Variants in ZBTB20 observed in about 807,000 individuals in gnomAD.
ZBTB20 encodes zinc finger and BTB domain-containing protein 20.
Under a neutral mutation model 56.9 loss-of-function variants are expected in ZBTB20, and 9 were observed. That is an observed-to-expected ratio of 0.16 (90% confidence interval 0.10 to 0.28). The LOEUF (loss-of-function observed/expected upper bound fraction) is 0.28. Ranked by LOEUF, ZBTB20 falls within the 10% of genes least tolerant of loss-of-function variation. The probability of loss-of-function intolerance (pLI) is 1.00; values close to 1 mark genes in which losing one functional copy is unlikely to be tolerated. For synonymous variants in ZBTB20, 417 were observed against 420.7 expected (o/e 0.99, Z 0.11); for missense variants, 655 against 1,003.0 (o/e 0.65, Z 4.69).
At chr3:114,594,433 A>AT (rs1165504077) in intron 6 of ZBTB20, among the ~76,000 whole-genome samples, 2 of 151,886 alleles carry the variant, frequency 1.3e-5, no homozygotes, top group Non-Finnish European at 2.9e-5. Flanking sequence ...CACCGGGCTA[A>AT]TTTTTTGTAT....
chr3:114,926,214 C>T (rs1473322321), intron 3 of ZBTB20, among the ~76,000 whole-genome samples: 2 of 152,068 alleles, frequency 1.3e-5, no homozygotes, highest in African/African-American at 4.8e-5. Context: ...GTTGCCACTG[C>T]AATTGGAGAT....
intron 4 of ZBTB20, among the ~76,000 whole-genome samples, chr3:114,861,583 T>C (rs925991353): frequency 6.6e-6 from 1 of 152,020 alleles, no homozygotes; most frequent in African/African-American, 2.4e-5. Flanking sequence ...AGACCTGGTT[T>C]GAAATCACAG....
At chr3:114,517,298 G>A (rs898684249) in intron 6 of ZBTB20, among the ~76,000 whole-genome samples, 1 of 152,180 alleles carries the variant, frequency 6.6e-6, no homozygotes, top group Non-Finnish European at 1.5e-5. Context: ...AATTCCAGTA[G>A]AGGGAACATA....
chr3:114,940,219 A>G (rs2076680819), intron 3 of ZBTB20, among the ~76,000 whole-genome samples: 1 of 146,416 alleles, frequency 6.8e-6, no homozygotes, highest in Non-Finnish European at 1.5e-5. Flanking sequence ...TTGTTTATAG[A>G]AAGTGCATAA....
intron 3 of ZBTB20, among the ~76,000 whole-genome samples, chr3:114,949,493 C>T (rs1197563167): frequency 1.4e-5 from 2 of 146,256 alleles, no homozygotes; most frequent in South Asian, 2.1e-4. Flanking sequence ...TAAGGTCAGG[C>T]GCGGCGGCTC....
chr3:114,738,133 A>C (rs891702086), intron 5 of ZBTB20, among the ~76,000 whole-genome samples: 1 of 152,078 alleles, frequency 6.6e-6, no homozygotes. Flanking sequence ...CTATTCTCTA[A>C]ATAACTTCTT....
At chr3:114,535,484 T>C (rs537773675) in intron 6 of ZBTB20, among the ~76,000 whole-genome samples, 7 of 152,150 alleles carry the variant, frequency 4.6e-5, no homozygotes, top group Non-Finnish European at 1.0e-4. Flanking sequence ...AGTTCTGAAA[T>C]TGAGGCAGTA....
chr3:114,568,391 C>T (rs1358204675), intron 6 of ZBTB20, among the ~76,000 whole-genome samples: 1 of 152,186 alleles, frequency 6.6e-6, no homozygotes, highest in African/African-American at 2.4e-5. Flanking sequence ...GAACAGCTTA[C>T]ATGTCTGGTA....
chr3:114,743,901 T>C (rs1353829679), intron 5 of ZBTB20: 1 of 152,206 alleles, frequency 6.6e-6, no homozygotes, highest in Admixed American at 6.5e-5. Context: ...CTACATTAGT[T>C]AGATAATAAC....
At chr3:114,347,297 G>C (rs1248465142) in intron 11 of ZBTB20, among the ~76,000 whole-genome samples, 1 of 151,742 alleles carries the variant, frequency 6.6e-6, no homozygotes, top group Non-Finnish European at 1.5e-5. Context: ...TTACTCTGCA[G>C]GTCTATTGGT....
intron 10 of ZBTB20, among the ~76,000 whole-genome samples, chr3:114,358,355 A>AT (rs1385617670): frequency 2.0e-5 from 3 of 152,074 alleles, no homozygotes; most frequent in African/African-American, 4.8e-5. Context: ...TTGCTCTGTG[A>AT]TTTTCAGGCC....
chr3:114,637,989 C>T (rs1297158621), intron 6 of ZBTB20, among the ~76,000 whole-genome samples: 1 of 152,020 alleles, frequency 6.6e-6, no homozygotes, highest in African/African-American at 2.4e-5. Flanking sequence ...AACTTCATTC[C>T]CTCATTCTTC....
intron 1 of ZBTB20, among the ~76,000 whole-genome samples, chr3:115,102,336 GTATC>G (rs1476268680): frequency 2.0e-5 from 3 of 152,008 alleles, no homozygotes; most frequent in Non-Finnish European, 2.9e-5. Flanking sequence ...GTACCAGCAT[GTATC>G]TCCTCCTCAC....
Position 115,146,784 on chromosome 3 carries a change from G to A in ZBTB20, c.-703+435C>T, listed in dbSNP as rs956469727. Among the ~76,000 whole-genome samples the A allele has an allele frequency of 2.6e-5, 4 of 152,308 alleles. No homozygotes were observed. In the East Asian group the frequency reaches 5.8e-4, roughly 22 times the overall value. ...GCGCCTCTAGCAGCTCCTGAGCCCCGGCTAGTCCCCCTCAGCTCCTCTTCT... is the reference window on the plus strand; with the variant it reads ...GCGCCTCTAGCAGCTCCTGAGCCCCAGCTAGTCCCCCTCAGCTCCTCTTCT... On this transcript the variant is annotated intron_variant, in intron 1 of 11. Coordinates refer to ENST00000675478, the MANE Select transcript of ZBTB20 (RefSeq NM_001348800.3).
intron 6 of ZBTB20, among the ~76,000 whole-genome samples, chr3:114,547,821 T>G (rs1434995913): frequency 6.6e-6 from 1 of 152,252 alleles, no homozygotes; most frequent in African/African-American, 2.4e-5. Context: ...GTTCTATTAC[T>G]GAACAGAAAC....
intron 6 of ZBTB20, among the ~76,000 whole-genome samples, chr3:114,593,672 C>G (rs1036630755): frequency 2.6e-5 from 4 of 152,140 alleles, no homozygotes; most frequent in Non-Finnish European, 5.9e-5. Context: ...GTGTGAGCCA[C>G]TGCGCCTGGC....
chr3:114,756,591 C>T (rs781061281), intron 5 of ZBTB20, among the ~76,000 whole-genome samples: 12 of 152,152 alleles, frequency 7.9e-5, no homozygotes, highest in Non-Finnish European at 1.5e-4. Flanking sequence ...CCAAATATTT[C>T]AGTCCTTTGC....
chr3:114,509,162 A>G (rs1268711142), intron 6 of ZBTB20, among the ~76,000 whole-genome samples: 3 of 152,090 alleles, frequency 2.0e-5, no homozygotes, highest in Non-Finnish European at 2.9e-5. Context: ...AGTCCTACTT[A>G]TTTCCACATC....
chr3:115,069,593 A>G (rs182920360), intron 2 of ZBTB20, among the ~76,000 whole-genome samples: 10 of 152,242 alleles, frequency 6.6e-5, no homozygotes, highest in African/African-American at 2.2e-4. Flanking sequence ...AAATCCTGAG[A>G]AAAAAAGGTA....
Sources: gnomAD v4.1 joint callset for allele counts (sites outside exome capture counted in the v4.1 genomes callset) on GRCh38, gnomAD v4.1.1 for gene constraint, MANE v1.5 for transcripts, NCBI Gene and HGNC (gene_info 2026-07-23, HGNC 2026-07-21) for gene names.